The following MCMBP variants were observed in gnomAD, a reference collection of about 807,000 sequenced individuals.
The protein encoded by MCMBP is mini-chromosome maintenance complex-binding protein.
A neutral mutation model predicts 81.3 loss-of-function variants in MCMBP; 31 were observed. The observed-to-expected ratio is 0.38, with a 90% CI of 0.29 to 0.51. The LOEUF (loss-of-function observed/expected upper bound fraction) is 0.51. MCMBP is among the 20% of genes least tolerant of loss of function. The pLI is 0.87. For synonymous variants in MCMBP, 267 were observed against 275.9 expected, an observed-to-expected ratio of 0.97 and a Z score of 0.32; for missense variants, 645 against 772.1, an observed-to-expected ratio of 0.84 and a Z score of 1.95.
At chr10:119,842,769 T>A in intron 9 of MCMBP, 174 bp from the exon 10 acceptor site, 6 of 317,038 alleles carry the variant, frequency 1.9e-5, no homozygotes, top group African/African-American at 2.5e-5. Context: ...GCATCCTCCT[T>A]TTTTTTTTTT....
intron 14 of MCMBP, among the ~76,000 whole-genome samples, chr10:119,834,453 A>AGGT: frequency 6.6e-6 from 1 of 152,170 alleles, no homozygotes; most frequent in South Asian, 2.1e-4. Context: ...GACAAAGACT[A>AGGT]TAAACCAAGA....
At chr10:119,851,386 A>G (rs1692831134) in intron 6 of MCMBP, among the ~76,000 whole-genome samples, 1 of 152,196 alleles carries the variant, frequency 6.6e-6, no homozygotes, top group Admixed American at 6.5e-5. Context: ...GAGAATTAAC[A>G]TATTTCCTGG....
In MCMBP at chr10:119,835,558, T is replaced by C. The variant is rs775459845; in HGVS notation, c.1689A>G (p.Ile563Met). ...LTLLRFLEYSISDEITKAVED... is the reference protein window; with the variant it reads ...LTLLRFLEYSMSDEITKAVED... ...GACATACCTTGGTTATTTCATCAGA[T>C]ATGCTATATTCCAAGAATCTCAAAA... Residue 563 changes from isoleucine (I) to methionine (M), a missense_variant, in exon 14 of 16, where the codon ATA becomes ATG. Physicochemically the swap from Ile to Met is conservative, Grantham distance 10. Coordinates refer to ENST00000369077, the MANE Select transcript of MCMBP (RefSeq NM_001256378.2). The C allele has an allele frequency of 1.2e-6, 2 of 1,614,036 alleles. No homozygotes were observed. Among genetic ancestry groups the C allele is most frequent in the Non-Finnish European group, 1.7e-6 (2 of 1,179,934 alleles).
intron 10 of MCMBP, 30 bp from the exon 11 acceptor site, chr10:119,840,990 T>G (rs202153743): frequency 1.3e-4 from 162 of 1,276,968 alleles, no homozygotes; most frequent in Non-Finnish European, 1.7e-4. Context: ...ATCAATAAGA[T>G]GCTGAAGTGA....
At chr10:119,844,832 T>TC (rs1852563667) in intron 8 of MCMBP, among the ~76,000 whole-genome samples, 2 of 152,142 alleles carry the variant, frequency 1.3e-5, no homozygotes. Context: ...AACATCAGAC[T>TC]CCAAGTTCTT....
chr10:119,854,445 G>A (rs1271200064), intron 5 of MCMBP, among the ~76,000 whole-genome samples: 1 of 151,544 alleles, frequency 6.6e-6, no homozygotes, highest in Non-Finnish European at 1.5e-5. Flanking sequence ...ACTCACATCT[G>A]GAATCCTAGT....
intron 14 of MCMBP, 85 bp from the exon 15 acceptor site, chr10:119,832,185 T>C (rs942201004): frequency 8.3e-7 from 1 of 1,197,710 alleles, no homozygotes; most frequent in African/African-American, 1.5e-5. Flanking sequence ...TGTAGTAAGG[T>C]GCATGTCAGC....
Position 119,843,275 on chromosome 10 carries a change from T to C in MCMBP, c.979A>G (p.Asn327Asp). ...TTACAGGTTTTGCTCTCCTCTTTGT[T>C]AAGGCAGGCAGGCAATAATGGGTTG... ...HINPLLPACL[N>D]KEESKTFVSS... is the part of the protein sequence containing the mutation. The change falls in exon 9 of 16, where the codon AAC becomes GAC. Residue 327 changes from asparagine (N) to aspartate (D), a missense_variant. By Grantham distance (23) the Asn-to-Asp change is conservative. Coordinates refer to ENST00000369077, the MANE Select transcript of MCMBP (RefSeq NM_001256378.2). The C allele has an allele frequency of 1.9e-6, 3 of 1,613,818 alleles. No homozygotes were observed. The highest frequency in any genetic ancestry group is 2.5e-6 in the Non-Finnish European group (3 of 1,179,792).
chr10:119,832,509 G>C (rs557155916), intron 14 of MCMBP, among the ~76,000 whole-genome samples: 1 of 152,296 alleles, frequency 6.6e-6, no homozygotes, highest in South Asian at 2.1e-4. Flanking sequence ...TTATTGGTAA[G>C]AATGTTGAGC....
intron 1 of MCMBP, 25 bp downstream of exon 1, chr10:119,872,502 C>G: frequency 8.5e-7 from 1 of 1,177,122 alleles, no homozygotes; most frequent in Non-Finnish European, 1.1e-6. Flanking sequence ...GCCCGCCCGG[C>G]CCGCCCCCCG....
intron 6 of MCMBP, 96 bp from the exon 7 acceptor site, chr10:119,849,672 T>C (rs1852739945): frequency 1.7e-6 from 2 of 1,143,174 alleles, no homozygotes; most frequent in East Asian, 2.8e-5. Flanking sequence ...ATATACGTGA[T>C]GCTTCTGAGC....
At chr10:119,836,069 C>T (rs1307747023) in intron 13 of MCMBP, among the ~76,000 whole-genome samples, 4 of 152,302 alleles carry the variant, frequency 2.6e-5, no homozygotes, top group East Asian at 3.9e-4. Flanking sequence ...TCTGGGCTCA[C>T]GCAATCCACC....
chr10:119,838,539 G>A lies in MCMBP; in HGVS notation c.1404C>T (p.Thr468=), dbSNP rs1852329788. 6.2e-7 allele frequency: 1 copy of A among 1,613,800 alleles called. No individual in the cohort carries two copies. The highest frequency in any genetic ancestry group is 8.5e-7 in the Non-Finnish European group (1 of 1,179,828). The change falls in exon 12 of 16, where the codon ACC becomes ACT. Residue 468 remains threonine, a synonymous_variant. Coordinates refer to ENST00000369077, the MANE Select transcript of MCMBP (RefSeq NM_001256378.2). ...ETLLEQGQLD[T]PGVHNVTALS... ...GAGAAACATCTATGTACGTACCTGG[G>A]GTATCCAGCTGCCCCTGTTCCAGGA...
chr10:119,837,653 G>A (rs990749521), intron 12 of MCMBP, among the ~76,000 whole-genome samples: 6 of 152,080 alleles, frequency 3.9e-5, no homozygotes, highest in East Asian at 3.9e-4. Context: ...GCGTGATGGC[G>A]GGTGCCTGTA....
chr10:119,831,980 C>T (rs766269036), intron 15 of MCMBP, 32 bp downstream of exon 15: 25 of 1,578,748 alleles, frequency 1.6e-5, no homozygotes, highest in African/African-American at 2.7e-5. Flanking sequence ...ACAAGCTTAC[C>T]GAAACAGCAA....
chr10:119,850,818 A>G (rs976056977), intron 6 of MCMBP, among the ~76,000 whole-genome samples: 1 of 151,292 alleles, frequency 6.6e-6, no homozygotes, highest in Non-Finnish European at 1.5e-5. Context: ...ATTCTACTAT[A>G]ATTACGTAAG....
Position 119,859,109 on chromosome 10 carries a change from G to T in MCMBP, c.217C>A (p.Gln73Lys). The stretch of plus-strand genomic sequence containing the variant: ...TAAAACTCAGGGTCAAACATATCCT[G>T]AATCATGCAACGAAATTTCACAAAA... ...NSFVKFRCMI[Q>K]DMFDPEFYMG... The change falls in exon 3 of 16, where the codon CAG becomes AAG. Residue 73 changes from glutamine (Q) to lysine (K), a missense_variant. Transcript: ENST00000369077. 1.2e-6 allele frequency: 2 copies of T among 1,613,906 alleles called. No homozygotes were observed. The highest frequency in any genetic ancestry group is 1.7e-6 in the Non-Finnish European group (2 of 1,179,896).
chr10:119,862,931 T>C (rs1364973999), intron 1 of MCMBP, among the ~76,000 whole-genome samples: 2 of 152,230 alleles, frequency 1.3e-5, no homozygotes. Flanking sequence ...AGGGGGATAT[T>C]TGCCATCCTT....
chr10:119,848,940 T>C (rs1852714547), intron 7 of MCMBP, among the ~76,000 whole-genome samples: 1 of 152,258 alleles, frequency 6.6e-6, no homozygotes, highest in African/African-American at 2.4e-5. Flanking sequence ...TCGATTCTTT[T>C]AACTTGTTAG....
Sources: gnomAD v4.1 joint callset for allele counts (sites outside exome capture counted in the v4.1 genomes callset) on GRCh38, gnomAD v4.1.1 for gene constraint, MANE v1.5 for transcripts, NCBI Gene and HGNC (gene_info 2026-07-23, HGNC 2026-07-21) for gene names.